MYPN: variants seen among roughly 807,000 people sequenced by gnomAD.
MYPN encodes the protein sarcomeric protein myopalladin, 145 kDa (MYOP).
In MYPN, 63 loss-of-function variants were observed where a neutral mutation model predicts 129.4. The observed-to-expected ratio is 0.49, with a 90% CI of 0.40 to 0.60. The LOEUF is 0.60. MYPN is among the 20% of genes least tolerant of loss of function. The pLI, the probability that MYPN is intolerant of heterozygous loss-of-function variation, is 0.00. For synonymous variants in MYPN, 629 were observed against 600.9 expected, an observed-to-expected ratio of 1.05 and a Z score of -0.68; for missense variants, 1,596 against 1,635.4, an observed-to-expected ratio of 0.98 and a Z score of 0.42.
chr10:68,184,042 T>C (rs1021014097), intron 12 of MYPN, among the ~76,000 whole-genome samples: 1 of 151,722 alleles, frequency 6.6e-6, no homozygotes, highest in Admixed American at 6.6e-5. Flanking sequence ...AAAAAGAAAA[T>C]CCCTCAGAAT....
At chr10:68,172,479 T>C (rs1311702346) in intron 10 of MYPN, among the ~76,000 whole-genome samples, 1 of 152,240 alleles carries the variant, frequency 6.6e-6, no homozygotes, top group Non-Finnish European at 1.5e-5. Flanking sequence ...AACATCAAAG[T>C]TTGACAGCCT....
chr10:68,190,860 T>G (rs1253281560), intron 13 of MYPN, among the ~76,000 whole-genome samples: 2 of 152,234 alleles, frequency 1.3e-5, no homozygotes, highest in Non-Finnish European at 2.9e-5. Flanking sequence ...CTGGATTTTT[T>G]TATCTGGTGA....
At chr10:68,141,490 C>T (rs1392090315) in intron 2 of MYPN, among the ~76,000 whole-genome samples, 10 of 151,976 alleles carry the variant, frequency 6.6e-5, no homozygotes, top group Admixed American at 6.6e-4. Flanking sequence ...TAATTTTTGA[C>T]ACTTAGTAGT....
intron 2 of MYPN, among the ~76,000 whole-genome samples, chr10:68,139,524 A>G (rs2042540921): frequency 6.6e-6 from 1 of 152,206 alleles, no homozygotes. Flanking sequence ...GGGAGTAAAG[A>G]TAAACATATG....
At chr10:68,185,156 G>A (rs557679001) in intron 12 of MYPN, among the ~76,000 whole-genome samples, 3 of 147,354 alleles carry the variant, frequency 2.0e-5, no homozygotes, top group Non-Finnish European at 4.5e-5. Flanking sequence ...GAGGGAGGGA[G>A]GGAGGGAAGG....
intron 2 of MYPN, among the ~76,000 whole-genome samples, chr10:68,133,021 A>ATTTTTTTTTT (rs35346306): frequency 8.6e-6 from 1 of 116,224 alleles, no homozygotes; most frequent in East Asian, 2.8e-4. Context: ...GTAGACCTCA[A>ATTTTTTTTTT]TTTTTTTTTT....
At chr10:68,127,319 C>CTTTTTTTTTTTTTTTTTTTTTTTTTTTTT in intron 2 of MYPN, among the ~76,000 whole-genome samples, 1 of 72,540 alleles carries the variant, frequency 1.4e-5, no homozygotes, top group Non-Finnish European at 2.4e-5. Flanking sequence ...ACACATATAT[C>CTTTTTTTTTTTTTTTTTTTTTTTTTTTTT]TTTTTTTTTT....
At chr10:68,173,578 A>ATTTT (rs1407084629) in intron 10 of MYPN, among the ~76,000 whole-genome samples, 1 of 35,498 alleles carries the variant, frequency 2.8e-5, no homozygotes, top group African/African-American at 1.3e-4. Flanking sequence ...AAGTTATTTT[A>ATTTT]TTTATTTATT....
intron 1 of MYPN, among the ~76,000 whole-genome samples, chr10:68,090,752 C>T (rs1179212366): frequency 6.6e-6 from 1 of 152,118 alleles, no homozygotes; most frequent in African/African-American, 2.4e-5. Context: ...CCAAGACATA[C>T]CTGCCCTGTG....
chr10:68,091,068 C>G (rs371850804), intron 1 of MYPN, among the ~76,000 whole-genome samples: 2 of 152,130 alleles, frequency 1.3e-5, no homozygotes, highest in South Asian at 2.1e-4. Context: ...AACCAAACAG[C>G]ATGTTATGTT....
intron 13 of MYPN, among the ~76,000 whole-genome samples, chr10:68,190,169 G>A (rs1376202242): frequency 1.3e-5 from 2 of 151,600 alleles, no homozygotes; most frequent in Non-Finnish European, 2.9e-5. Flanking sequence ...TGTGTTTTGA[G>A]AAATGTCTAT....
At position 68,182,340 on chromosome 10, in the gene MYPN, CAT is replaced by C. The variant is rs1481886387; in HGVS notation, c.2704-6559_2704-6558del. Among the ~76,000 whole-genome samples, 3 of 27,892 alleles carry C rather than the reference CAT, an allele frequency of 1.1e-4. 1 individual carries two copies. The highest frequency in any genetic ancestry group is 2.6e-4 in the African/African-American group (3 of 11,694). 18.3% of individuals were successfully genotyped at this position (27,892 alleles called of 152,430 possible). On this transcript the variant is annotated intron_variant, in intron 12 of 19. Coordinates refer to ENST00000358913, the MANE Select transcript of MYPN (RefSeq NM_032578.4). ...ATATATAACATATATATAACACACA[CAT>C]ATATAACATATATATAACACATATA...
At chr10:68,127,936 G>C (rs540412413) in intron 2 of MYPN, among the ~76,000 whole-genome samples, 10 of 152,266 alleles carry the variant, frequency 6.6e-5, no homozygotes, top group African/African-American at 1.7e-4. Context: ...TAACCTATGT[G>C]CTCCTGTGTA....
chr10:68,211,134 ACCAG>A lies in MYPN; in HGVS notation c.*681_*684del, dbSNP rs1436944387. The A allele has an allele frequency of 5.3e-5, 24 of 454,088 alleles. No individual in the cohort carries two copies. In the East Asian group the frequency reaches 1.7e-3, roughly 32 times the overall value. 28.1% of individuals were successfully genotyped at this position (454,088 alleles called of 1,614,324 possible). On this transcript the variant is annotated 3_prime_UTR_variant, in exon 20 of 20. Coordinates refer to ENST00000358913, the MANE Select transcript of MYPN (RefSeq NM_032578.4). The stretch of plus-strand genomic sequence containing the variant: ...TATTTTGTGGCCAAAGCATGGCCTT[ACCAG>A]CTTGTCTGCACTATTTTCTTTTGGG...
chr10:68,150,177 T>C (rs1475692358), intron 6 of MYPN, 66 bp downstream of exon 6: 5 of 1,341,970 alleles, frequency 3.7e-6, no homozygotes, highest in South Asian at 3.5e-5. Flanking sequence ...AGTTATAGGA[T>C]ACAAGATTTA....
intron 6 of MYPN, among the ~76,000 whole-genome samples, chr10:68,156,617 T>C (rs1257023485): frequency 6.6e-6 from 1 of 152,238 alleles, no homozygotes; most frequent in Non-Finnish European, 1.5e-5. Context: ...TGAAAGTCTC[T>C]TACACAGCTA....
At chr10:68,132,837 C>T (rs1022247020) in intron 2 of MYPN, among the ~76,000 whole-genome samples, 1 of 151,950 alleles carries the variant, frequency 6.6e-6, no homozygotes, top group African/African-American at 2.4e-5. Context: ...ACAGGGAGGC[C>T]ATAATGACCT....
rs142877365 is a variant in MYPN, at chr10:68,210,325, G to A, written c.3833G>A (p.Arg1278Gln). ...CAGATCCCACCGCCCATGTCTGTCC[G>A]GCCCAGTGGCAGTCGCTACGGATCT... ...HHQIPPPMSV[R>Q]PSGSRYGSLT... The change falls in exon 20 of 20, where the codon CGG becomes CAG. Residue 1278 changes from arginine (R) to glutamine (Q), a missense_variant. Arg to Gln is a conservative substitution (Grantham distance 43). Transcript: ENST00000358913. The A allele has an allele frequency of 7.7e-4, 1,247 of 1,613,930 alleles. 1 individual carries two copies. Among genetic ancestry groups the A allele is most frequent in the Non-Finnish European group, 1.0e-3 (1,178 of 1,180,028 alleles).
rs2043825298 is a variant in MYPN at position 68,206,908 on chromosome 10, G to A, written c.3793+5G>A. ...CTGCCAGGCTGGATATATACGGTAA[G>A]TGTAATGCTGTTAGTTGAACATCTG... On this transcript the variant is annotated splice_donor_5th_base_variant and intron_variant, in intron 19 of 19. Coordinates refer to ENST00000358913, the MANE Select transcript of MYPN (RefSeq NM_032578.4). The A allele has an allele frequency of 1.9e-6, 3 of 1,614,026 alleles. No homozygotes were observed. Among genetic ancestry groups the A allele is most frequent in the Admixed American group, 1.7e-5 (1 of 60,000 alleles).
Sources: gnomAD v4.1 joint callset for allele counts (sites outside exome capture counted in the v4.1 genomes callset) on GRCh38, gnomAD v4.1.1 for gene constraint, MANE v1.5 for transcripts, NCBI Gene and HGNC (gene_info 2026-07-23, HGNC 2026-07-21) for gene names.